Variants in SNU13 observed in about 807,000 individuals in gnomAD.
SNU13 encodes small nuclear ribonucleoprotein 13.
In SNU13, 2 loss-of-function variants were observed where a neutral mutation model predicts 12.4. That is an observed-to-expected ratio of 0.16 (90% CI 0.07 to 0.51). The LOEUF is 0.51. SNU13 is among the 20% of genes least tolerant of loss of function. SNU13 has a pLI of 0.96. For synonymous variants in SNU13, 68 were observed against 66.5 expected (o/e 1.02, Z -0.11); for missense variants, 66 against 157.8 (o/e 0.42, Z 3.12).
At chr22:41,679,784 T>A (rs964694186) in intron 2 of SNU13, 1 of 152,220 alleles carries the variant, frequency 6.6e-6, no homozygotes, top group African/African-American at 2.4e-5. Flanking sequence ...TGCACAAGGA[T>A]GACATGCAAA....
chr22:41,690,361 C>A, upstream of SNU13: 2 of 715,666 alleles, frequency 2.8e-6, no homozygotes, highest in Non-Finnish European at 5.2e-6. Context: ...TCTTTTCATT[C>A]CAGAGGATGG....
In SNU13 at chr22:41,674,352, G is replaced by A. The variant is rs995474236; in HGVS notation, c.*581C>T. On this transcript the variant is annotated 3_prime_UTR_variant, in exon 3 of 3. Transcript: ENST00000401959. ...AAGGGCATGGTTGTGGGTAGGGGGA[G>A]AACATCAACATCACATTACCAAAAG... 6.5e-6 allele frequency: 1 copy of A among 154,044 alleles called. No homozygotes were observed. Among genetic ancestry groups the A allele is most frequent in the Non-Finnish European group, 1.4e-5 (1 of 69,186 alleles). 9.5% of individuals were successfully genotyped at this position (154,044 alleles called of 1,614,324 possible). A position where few individuals can be genotyped will look rare whatever the true frequency, so the allele number is the denominator to read the frequency against.
Position 41,674,868 on chromosome 22 carries a change from C to T in SNU13, c.*65G>A. The T allele has an allele frequency of 6.4e-7, 1 of 1,572,844 alleles. No homozygotes were observed. The highest frequency in any genetic ancestry group is 8.7e-7 in the Non-Finnish European group (1 of 1,155,022). On this transcript the variant is annotated 3_prime_UTR_variant, in exon 3 of 3. Coordinates refer to ENST00000401959, the MANE Select transcript of SNU13 (RefSeq NM_001003796.2). Reference sequence around the variant, plus strand: ...TAGCTGAAAATACTACATGCTAACACAGATAATATGATACACAACCTCAGG... The same window carrying T: ...TAGCTGAAAATACTACATGCTAACATAGATAATATGATACACAACCTCAGG...
upstream of SNU13, chr22:41,689,017 T>C (rs1459937817): frequency 1.5e-5 from 20 of 1,316,318 alleles, no homozygotes; most frequent in Admixed American, 3.1e-5. Context: ...GGCGTTCTTA[T>C]GAGCTGCCTA....
Position 41,674,909 on chromosome 22 carries a change from G to A in SNU13, c.*24C>T, listed in dbSNP as rs756280297. The A allele has an allele frequency of 3.5e-5, 56 of 1,604,216 alleles. No homozygotes were observed. Among genetic ancestry groups the A allele is most frequent in the Non-Finnish European group, 4.7e-5 (55 of 1,173,114 alleles). On this transcript the variant is annotated 3_prime_UTR_variant, in exon 3 of 3. Coordinates refer to ENST00000401959, the MANE Select transcript of SNU13 (RefSeq NM_001003796.2). ...CAACCTCAGGGGGGAAGCTGGCAGG[G>A]AGCACGTGGCAGAGGCCACAGGTTT...
intron 2 of SNU13, among the ~76,000 whole-genome samples, chr22:41,678,721 C>T (rs1312384191): frequency 6.6e-6 from 1 of 152,142 alleles, no homozygotes; most frequent in Non-Finnish European, 1.5e-5. Flanking sequence ...CCCTACAATG[C>T]CCCACTGGCC....
intron 1 of SNU13, among the ~76,000 whole-genome samples, chr22:41,687,320 A>G (rs577318581): frequency 6.6e-6 from 1 of 152,206 alleles, no homozygotes; most frequent in Non-Finnish European, 1.5e-5. Context: ...AGTATGTACA[A>G]CTATGATATG....
chr22:41,674,970 T>C lies in SNU13; in HGVS notation c.350A>G (p.Gln117Arg). Residue 117 changes from glutamine to arginine, a missense_variant, in exon 3 of 3, where the codon CAA becomes CGA. Physicochemically the swap from Gln to Arg is conservative, Grantham distance 43. Transcript: ENST00000401959. ...KEGSQLKQQI[Q>R]SIQQSIERLL... is the part of the protein sequence containing the mutation. ...CCTTTCAATGGACTGCTGAATGGATTGGATCTGCTGTTTCAGCTGCGAGCC... is the reference window on the plus strand; with the variant it reads ...CCTTTCAATGGACTGCTGAATGGATCGGATCTGCTGTTTCAGCTGCGAGCC... 6.2e-7 allele frequency: 1 copy of C among 1,614,086 alleles called. No individual in the cohort carries two copies. Among genetic ancestry groups the C allele is most frequent in the Non-Finnish European group, 8.5e-7 (1 of 1,179,986 alleles).
Position 41,680,338 on chromosome 22 carries a change from G to C in SNU13, c.30C>G (p.Ala10=). Residue 10 remains alanine, a synonymous_variant, in exon 2 of 3, where the codon GCC becomes GCG. Coordinates refer to ENST00000401959, the MANE Select transcript of SNU13 (RefSeq NM_001003796.2). MTEADVNPK[A]YPLADAHLTK... is the part of the protein sequence containing the mutation. ...TGAGGTGGGCATCGGCAAGGGGATA[G>C]GCCTTTGGATTCACATCAGCCTCAG... 6.2e-7 allele frequency: 1 copy of C among 1,613,972 alleles called. No individual in the cohort carries two copies. Among genetic ancestry groups the C allele is most frequent in the South Asian group, 1.1e-5 (1 of 91,052 alleles).
chr22:41,690,024 G>T (rs1444031024), upstream of SNU13, among the ~76,000 whole-genome samples: 1 of 151,966 alleles, frequency 6.6e-6, no homozygotes, highest in Non-Finnish European at 1.5e-5. Flanking sequence ...TTAAGGCCTG[G>T]CTCATTATAA....
chr22:41,681,858 G>C (rs1601573109), intron 1 of SNU13, among the ~76,000 whole-genome samples: 1 of 152,208 alleles, frequency 6.6e-6, no homozygotes, highest in African/African-American at 2.4e-5. Flanking sequence ...GTGGGCGACA[G>C]AGCGAGACTC....
chr22:41,675,070 G>A lies in SNU13; in HGVS notation c.250C>T (p.Arg84Cys), dbSNP rs867465181. 6.2e-7 allele frequency: 1 copy of A among 1,614,192 alleles called. No homozygotes were observed. The highest frequency in any genetic ancestry group is 8.5e-7 in the Non-Finnish European group (1 of 1,180,026). Reference protein sequence around the residue: ...EDKNVPYVFVRSKQALGRACG... With the variant: ...EDKNVPYVFVCSKQALGRACG... The stretch of plus-strand genomic sequence containing the variant: ...GCTCTCCCCAGGGCCTGCTTGGAGC[G>A]CACAAACACGTAGGGCACATTCTTG... Residue 84 changes from arginine to cysteine, a missense_variant, in exon 3 of 3, where the codon CGC becomes TGC. By Grantham distance (180) the Arg-to-Cys change is radical. Transcript: ENST00000401959.
intron 2 of SNU13, among the ~76,000 whole-genome samples, chr22:41,676,511 T>C (rs2068215778): frequency 7.2e-6 from 1 of 138,054 alleles, no homozygotes; most frequent in Non-Finnish European, 1.6e-5. Context: ...AAGAATTACC[T>C]AATTCTTTTT....
At chr22:41,686,299 T>C (rs1355835256) in intron 1 of SNU13, among the ~76,000 whole-genome samples, 1 of 151,938 alleles carries the variant, frequency 6.6e-6, no homozygotes, top group Non-Finnish European at 1.5e-5. Context: ...AGTTTATTCT[T>C]TTATCTTTTT....
At chr22:41,681,734 C>T (rs2068265020) in intron 1 of SNU13, among the ~76,000 whole-genome samples, 1 of 152,156 alleles carries the variant, frequency 6.6e-6, no homozygotes, top group Non-Finnish European at 1.5e-5. Context: ...ATGTAGGGGA[C>T]GAGCGCGGTG....
chr22:41,688,718 C>T (rs2068333302), intron 1 of SNU13, 76 bp downstream of exon 1: 2 of 1,542,538 alleles, frequency 1.3e-6, no homozygotes, highest in Non-Finnish European at 8.9e-7. Flanking sequence ...CTCTAAGCCT[C>T]CATCTAACAG....
intron 2 of SNU13, among the ~76,000 whole-genome samples, chr22:41,677,750 C>T (rs558352853): frequency 6.6e-6 from 1 of 152,202 alleles, no homozygotes; most frequent in South Asian, 2.1e-4. Flanking sequence ...CTCATGTGAT[C>T]TCCTAGTACC....
chr22:41,687,398 C>G (rs1040672064), intron 1 of SNU13, among the ~76,000 whole-genome samples: 5 of 152,138 alleles, frequency 3.3e-5, no homozygotes, highest in African/African-American at 1.2e-4. Flanking sequence ...TCAGGATTCT[C>G]AAATCTCAAT....
chr22:41,676,624 A>C (rs1374864918), intron 2 of SNU13, among the ~76,000 whole-genome samples: 1 of 152,110 alleles, frequency 6.6e-6, no homozygotes, highest in Non-Finnish European at 1.5e-5. Context: ...AAAAAAGGCC[A>C]AGTTAAAATA....
Sources: gnomAD v4.1 joint callset for allele counts (sites outside exome capture counted in the v4.1 genomes callset) on GRCh38, gnomAD v4.1.1 for gene constraint, MANE v1.5 for transcripts, NCBI Gene and HGNC (gene_info 2026-07-23, HGNC 2026-07-21) for gene names.